EVC2: variants seen among roughly 807,000 people sequenced by gnomAD.
The protein encoded by EVC2 is limbin.
A neutral mutation model predicts 149.3 loss-of-function variants in EVC2; 148 were observed. The ratio of observed to expected loss-of-function variants is 0.99; its 90% CI spans 0.87 to 1.14. The LOEUF is 1.14. Among genes scored for constraint, EVC2 ranks in the 50% most tolerant of loss-of-function variants. The probability of loss-of-function intolerance (pLI) is 0.00; values close to 1 mark genes in which losing one functional copy is unlikely to be tolerated. For missense variants in EVC2, 1,854 were observed against 1,627.3 expected (o/e 1.14, Z -2.40); for synonymous variants, 776 against 649.9 (o/e 1.19, Z -2.95).
intron 16 of EVC2, among the ~76,000 whole-genome samples, chr4:5,601,747 A>C (rs1713998036): frequency 6.6e-6 from 1 of 152,338 alleles, no homozygotes; most frequent in East Asian, 1.9e-4. Context: ...GCCCTTTCCC[A>C]GGAAACTAAT....
the EVC2 span, among the ~76,000 whole-genome samples, chr4:5,537,400 C>CTCACACCAGCCGGGAAATAGTGCTGTT: frequency 2.6e-5 from 4 of 152,194 alleles, no homozygotes; most frequent in African/African-American, 4.8e-5. Flanking sequence ...ATATTCAGTG[C>CTCACACCAGCCGGGAAATAGTGCTGTT]TCACACCAGC....
intron 16 of EVC2, among the ~76,000 whole-genome samples, chr4:5,603,724 G>A (rs1714175004): frequency 6.6e-6 from 1 of 152,218 alleles, no homozygotes; most frequent in African/African-American, 2.4e-5. Context: ...AATAGTGGAT[G>A]GGTGAAGAGA....
intron 7 of EVC2, among the ~76,000 whole-genome samples, chr4:5,678,545 A>G (rs1720141953): frequency 6.6e-6 from 1 of 152,206 alleles, no homozygotes; most frequent in African/African-American, 2.4e-5. Flanking sequence ...AGATGTTCCT[A>G]GAAATGCATT....
Position 5,574,785 on chromosome 4 carries a change from T to C in EVC2, c.3273-13A>G. Reference sequence around the variant, plus strand: ...TTCCTCTCTCAAACTGGAGTGAAAATAAAATATACGTAAGTTCAGTTTTGT... The same window carrying C: ...TTCCTCTCTCAAACTGGAGTGAAAACAAAATATACGTAAGTTCAGTTTTGT... On this transcript the variant is annotated splice_polypyrimidine_tract_variant and intron_variant, in intron 18 of 21. Coordinates refer to ENST00000344408, the MANE Select transcript of EVC2 (RefSeq NM_147127.5). 6.2e-7 allele frequency: 1 copy of C among 1,613,428 alleles called. No individual in the cohort carries two copies.
intron 21 of EVC2, among the ~76,000 whole-genome samples, chr4:5,543,591 G>A (rs755142432): frequency 2.6e-5 from 4 of 152,310 alleles, no homozygotes; most frequent in Admixed American, 2.0e-4. Context: ...AAGGTGCCAG[G>A]GGGACGAGGA....
At chr4:5,616,278 T>G (rs891392885) in intron 15 of EVC2, among the ~76,000 whole-genome samples, 4 of 152,156 alleles carry the variant, frequency 2.6e-5, no homozygotes, top group Non-Finnish European at 5.9e-5. Context: ...TGTTGGAACT[T>G]GGATCCCAGC....
At chr4:5,568,112 C>T (rs758015466) in intron 20 of EVC2, among the ~76,000 whole-genome samples, 1 of 152,156 alleles carries the variant, frequency 6.6e-6, no homozygotes, top group Non-Finnish European at 1.5e-5. Context: ...TGCAGACACA[C>T]ACTTGTAAAA....
intron 7 of EVC2, among the ~76,000 whole-genome samples, chr4:5,673,422 C>T (rs892995357): frequency 2.0e-5 from 3 of 152,204 alleles, no homozygotes; most frequent in Admixed American, 6.5e-5. Context: ...ATCAGCCCCA[C>T]GTAAATCATA....
Position 5,584,639 on chromosome 4 carries a change from A to T in EVC2, c.3041T>A (p.Leu1014Gln), listed in dbSNP as rs762602210. 3.1e-6 allele frequency: 5 copies of T among 1,613,610 alleles called. No individual in the cohort carries two copies. Among genetic ancestry groups the T allele is most frequent in the Non-Finnish European group, 3.4e-6 (4 of 1,179,820 alleles). ...MLTKSACTQI[L>Q]ESHSRELQEL... ...TGCACTCACCCGGCTGTGCGACTCC[A>T]GGATCTGTGTGCAGGCCGACTTGGT... The change falls in exon 17 of 22, where the codon CTG (leucine) becomes CAG (glutamine). Residue 1014 changes from leucine to glutamine, a missense_variant. Transcript: ENST00000344408.
rs1721269230 is a variant in EVC2 at position 5,693,611 on chromosome 4, A to C, written c.450+724T>G. ...CTTCTAACCTCCCCAGCAGTGAGAA[A>C]ATACATTCCTGTTGTTTTCAGCCAT... On this transcript the variant is annotated intron_variant, in intron 3 of 21. Coordinates refer to ENST00000344408, the MANE Select transcript of EVC2 (RefSeq NM_147127.5). 2.0e-5 allele frequency among the ~76,000 whole-genome samples: 3 copies of C among 152,222 alleles called. No homozygotes were observed. The South Asian group carries it at 6.2e-4, about 31-fold the overall frequency.
In EVC2 at chr4:5,632,493, G is replaced by A. The variant is rs188776585; in HGVS notation, c.1471-461C>T. Among the ~76,000 whole-genome samples, 327 of 152,300 alleles carry A rather than the reference G, an allele frequency of 2.1e-3. 1 individual carries two copies. The highest frequency in any genetic ancestry group is 7.7e-3 in the African/African-American group (318 of 41,556). On this transcript the variant is annotated intron_variant, in intron 10 of 21. Transcript: ENST00000344408. ...ATCTCAAAGCAGAATATTTACAGGGGTGGAAATCTGCAAATCAAACTGCTA... is the reference window on the plus strand; with the variant it reads ...ATCTCAAAGCAGAATATTTACAGGGATGGAAATCTGCAAATCAAACTGCTA...
In EVC2 at chr4:5,657,210, C is replaced by T. The variant is rs1443070556; in HGVS notation, c.1145+5897G>A. On this transcript the variant is annotated intron_variant, in intron 9 of 21. Coordinates refer to ENST00000344408, the MANE Select transcript of EVC2 (RefSeq NM_147127.5). This position sits in a 1 kb window ranked among gnomAD's most constrained non-coding sequence, Gnocchi z 4.7. ...CTCTAGTAAGCCACTTCCCCGTGGTCAGGACTGCTTCACACTTTTTACATT... is the reference window on the plus strand; with the variant it reads ...CTCTAGTAAGCCACTTCCCCGTGGTTAGGACTGCTTCACACTTTTTACATT... 6.6e-6 allele frequency among the ~76,000 whole-genome samples: 1 copy of T among 152,186 alleles called. No individual in the cohort carries two copies. Among genetic ancestry groups the T allele is most frequent in the Non-Finnish European group, 1.5e-5 (1 of 68,046 alleles).
intron 7 of EVC2, among the ~76,000 whole-genome samples, chr4:5,666,444 C>T (rs1180201696): frequency 6.6e-6 from 1 of 152,130 alleles, no homozygotes; most frequent in African/African-American, 2.4e-5. Context: ...TCAATTATTC[C>T]AAATCAGGCT....
In EVC2 at chr4:5,618,687, G is replaced by A. The variant is rs1242154916; in HGVS notation, c.2502-5C>T. On this transcript the variant is annotated splice_region_variant and splice_polypyrimidine_tract_variant and intron_variant, in intron 14 of 21. Coordinates refer to ENST00000344408, the MANE Select transcript of EVC2 (RefSeq NM_147127.5). This position sits in a 1 kb window ranked among gnomAD's most constrained non-coding sequence, Gnocchi z 4.4. ...AAGACTGAGGAGCAGAGCTTCCTGGGAGGAAGAACAGAGACACACTCTTAA... is the reference window on the plus strand; with the variant it reads ...AAGACTGAGGAGCAGAGCTTCCTGGAAGGAAGAACAGAGACACACTCTTAA... The A allele has an allele frequency of 6.3e-7, 1 of 1,585,282 alleles. No homozygotes were observed. The highest frequency in any genetic ancestry group is 8.6e-7 in the Non-Finnish European group (1 of 1,165,174).
intron 14 of EVC2, among the ~76,000 whole-genome samples, chr4:5,619,896 T>C (rs145551012): frequency 6.6e-6 from 1 of 152,354 alleles, no homozygotes; most frequent in Non-Finnish European, 1.5e-5. Context: ...TCTGGTAATG[T>C]TCTGTCAATG....
chr4:5,684,284 T>C (rs1221973010), intron 6 of EVC2, among the ~76,000 whole-genome samples: 2 of 152,220 alleles, frequency 1.3e-5, no homozygotes. Context: ...TATCTAAATT[T>C]ATCTAAGGTT....
chr4:5,655,144 T>C (rs1332511091), intron 9 of EVC2, among the ~76,000 whole-genome samples: 1 of 152,202 alleles, frequency 6.6e-6, no homozygotes, highest in Non-Finnish European at 1.5e-5. Flanking sequence ...GCATTCCCTC[T>C]GCTCTGCTCT....
At chr4:5,605,334 C>T (rs550492601) in intron 16 of EVC2, among the ~76,000 whole-genome samples, 1 of 152,294 alleles carries the variant, frequency 6.6e-6, no homozygotes, top group South Asian at 2.1e-4. Flanking sequence ...GGGAACTCTG[C>T]TCTACAAATC....
At chr4:5,581,600 T>G (rs1243936895) in intron 17 of EVC2, among the ~76,000 whole-genome samples, 1 of 152,244 alleles carries the variant, frequency 6.6e-6, no homozygotes, top group Non-Finnish European at 1.5e-5. Context: ...ACCTGGCTGC[T>G]TCTAACAACC....
Sources: gnomAD v4.1 joint callset for allele counts (sites outside exome capture counted in the v4.1 genomes callset) on GRCh38, gnomAD v4.1.1 for gene constraint, Gnocchi (gnomAD v3.1) non-coding constraint, MANE v1.5 for transcripts, NCBI Gene and HGNC (gene_info 2026-07-23, HGNC 2026-07-21) for gene names.